PCDH15: variants seen among roughly 807,000 people sequenced by gnomAD.
The protein encoded by PCDH15 is protocadherin-15.
In PCDH15, 129 loss-of-function variants were observed where a neutral mutation model predicts 178.5. The ratio of observed to expected loss-of-function variants is 0.72; its 90% confidence interval spans 0.63 to 0.84. The LOEUF (loss-of-function observed/expected upper bound fraction) is 0.84. PCDH15 is among the 40% of genes least tolerant of loss of function. PCDH15 has a pLI of 0.00. For missense variants in PCDH15, 2,230 were observed against 2,099.9 expected (o/e 1.06, Z -1.21); for synonymous variants, 800 against 732.0 (o/e 1.09, Z -1.50).
intron 2 of PCDH15, chr10:54,568,448 A>G (rs1051189732): frequency 2.6e-5 from 4 of 152,114 alleles, no homozygotes; most frequent in Non-Finnish European, 5.9e-5. Context: ...GACTTTGTAG[A>G]CTTTTAAAAA....
rs577228385 is a variant in PCDH15 at position 54,026,135 on chromosome 10, C to A, written c.2221-2938G>T. ...CCATGCTGGTGTGCAGTGGTGTGAT[C>A]TAGGCTCACTGCAACCTTCACCTCC... On this transcript the variant is annotated intron_variant, in intron 18 of 37. Transcript: ENST00000644397. Among the ~76,000 whole-genome samples the A allele has an allele frequency of 2.0e-5, 3 of 149,774 alleles. No individual in the cohort carries two copies. In the South Asian group the frequency reaches 6.3e-4, roughly 32 times the overall value.
At chr10:55,222,730 CATATATATATATATATATATATATAT>C (rs142618720) in intron 1 of PCDH15, among the ~76,000 whole-genome samples, 1 of 121,264 alleles carries the variant, frequency 8.2e-6, no homozygotes, top group Non-Finnish European at 1.7e-5. Flanking sequence ...CACACACACA[CATATATATATATATATATATATATAT>C]ATATATATAT....
At chr10:54,667,876 C>T (rs780865857) in intron 1 of PCDH15, among the ~76,000 whole-genome samples, 15 of 151,958 alleles carry the variant, frequency 9.9e-5, no homozygotes, top group Non-Finnish European at 1.6e-4. Flanking sequence ...ATTTTGCAAT[C>T]GTGACTTAGA....
intron 2 of PCDH15, among the ~76,000 whole-genome samples, chr10:55,604,629 C>G (rs1182393360): frequency 6.7e-6 from 1 of 149,390 alleles, no homozygotes; most frequent in African/African-American, 2.5e-5. Context: ...ACTGAACAAA[C>G]TGCTCCTGAA....
At chr10:54,128,664 T>G in intron 15 of PCDH15, among the ~76,000 whole-genome samples, 1 of 152,192 alleles carries the variant, frequency 6.6e-6, no homozygotes, top group Non-Finnish European at 1.5e-5. Context: ...CCTCTCTTAC[T>G]TGGATTTTTT....
At chr10:54,384,499 G>GT (rs1462102316) in intron 3 of PCDH15, among the ~76,000 whole-genome samples, 1 of 152,010 alleles carries the variant, frequency 6.6e-6, no homozygotes, top group African/African-American at 2.4e-5. Context: ...CAGTAAATTT[G>GT]TAAGTGTGAT....
intron 2 of PCDH15, among the ~76,000 whole-genome samples, chr10:55,547,534 G>A (rs935690248): frequency 6.6e-6 from 1 of 152,074 alleles, no homozygotes; most frequent in Non-Finnish European, 1.5e-5. Context: ...GGTGAGTAAG[G>A]TGAGTGCTAT....
chr10:54,927,404 TA>T (rs1004652542), intron 2 of PCDH15, among the ~76,000 whole-genome samples: 2 of 152,120 alleles, frequency 1.3e-5, no homozygotes, highest in East Asian at 3.9e-4. Flanking sequence ...GAAAAATGTA[TA>T]TTTTGTTGCT....
intron 20 of PCDH15, among the ~76,000 whole-genome samples, chr10:54,009,460 G>A (rs1227031027): frequency 2.0e-5 from 3 of 152,148 alleles, no homozygotes; most frequent in South Asian, 4.1e-4. Flanking sequence ...ATCAATTTGT[G>A]TGCTAGCAGA....
chr10:53,862,805 C>T (rs1382438754), intron 27 of PCDH15, among the ~76,000 whole-genome samples: 1 of 152,194 alleles, frequency 6.6e-6, no homozygotes, highest in African/African-American at 2.4e-5. Flanking sequence ...CTTCCACATA[C>T]AGCAGATGTA....
In PCDH15 at chr10:54,763,797, C is replaced by T. The variant is rs1302230806; in HGVS notation, c.-29+37128G>A. ...TATAAATATACTATATAAATATGTACAACTCTTATGTATCCATTAAATGTA... is the reference window on the plus strand; with the variant it reads ...TATAAATATACTATATAAATATGTATAACTCTTATGTATCCATTAAATGTA... On this transcript the variant is annotated intron_variant, in intron 1 of 37. Coordinates refer to ENST00000644397, the MANE Select transcript of PCDH15 (RefSeq NM_001384140.1). Among the ~76,000 whole-genome samples, 3 of 147,626 alleles carry T rather than the reference C, an allele frequency of 2.0e-5. 1 individual carries two copies. The highest frequency in any genetic ancestry group is 4.5e-5 in the Non-Finnish European group (3 of 67,056).
chr10:55,516,354 C>T (rs1841012422), intron 2 of PCDH15, among the ~76,000 whole-genome samples: 1 of 152,124 alleles, frequency 6.6e-6, no homozygotes, highest in Non-Finnish European at 1.5e-5. Context: ...TCCCAAGCCA[C>T]GTGTAACTGT....
intron 17 of PCDH15, among the ~76,000 whole-genome samples, chr10:54,075,140 G>T (rs1315165019): frequency 1.3e-5 from 2 of 152,098 alleles, no homozygotes; most frequent in African/African-American, 4.8e-5. Context: ...CACTTTGGGA[G>T]GCTGAGGCAG....
intron 33 of PCDH15, 27 bp downstream of exon 33, chr10:53,820,138 A>T: frequency 2.5e-6 from 1 of 397,594 alleles, no homozygotes; most frequent in Non-Finnish European, 4.4e-6. Context: ...ACACACTCAC[A>T]TTAAAGGCTT....
intron 25 of PCDH15, chr10:53,907,058 A>G (rs1000739445): frequency 6.6e-6 from 1 of 152,184 alleles, no homozygotes; most frequent in South Asian, 2.1e-4. Context: ...CCTATAGTTA[A>G]ATCACTAGAA....
intron 3 of PCDH15, among the ~76,000 whole-genome samples, chr10:54,845,492 G>T (rs903532533): frequency 1.3e-5 from 2 of 152,074 alleles, no homozygotes; most frequent in African/African-American, 2.4e-5. Flanking sequence ...GACCAAAAAT[G>T]CCAGTGATAC....
chr10:54,704,253 A>G (rs909275466), intron 1 of PCDH15, among the ~76,000 whole-genome samples: 1 of 152,276 alleles, frequency 6.6e-6, no homozygotes, highest in African/African-American at 2.4e-5. Context: ...CAACCGGGAC[A>G]TAATTTAACT....
intron 25 of PCDH15, among the ~76,000 whole-genome samples, chr10:53,918,253 C>G (rs1209779002): frequency 3.3e-5 from 5 of 152,014 alleles, no homozygotes; most frequent in African/African-American, 7.2e-5. Context: ...GCAACAAATC[C>G]ATGAAATAGG....
chr10:55,134,419 C>T (rs1389379917), intron 2 of PCDH15, among the ~76,000 whole-genome samples: 2 of 152,136 alleles, frequency 1.3e-5, no homozygotes, highest in African/African-American at 4.8e-5. Context: ...ATATTGACTC[C>T]TTATTATACA....
Sources: gnomAD v4.1 joint callset for allele counts (sites outside exome capture counted in the v4.1 genomes callset) on GRCh38, gnomAD v4.1.1 for gene constraint, MANE v1.5 for transcripts, NCBI Gene and HGNC (gene_info 2026-07-23, HGNC 2026-07-21) for gene names.